Variants in KDM1B observed in about 807,000 individuals in gnomAD.
KDM1B encodes lysine-specific histone demethylase 2.
Under a neutral mutation model 107.4 loss-of-function variants are expected in KDM1B, and 63 were observed. The observed-to-expected ratio is 0.59, with a 90% confidence interval of 0.48 to 0.72. KDM1B has a LOEUF of 0.72. Among genes scored for constraint, KDM1B ranks in the 30% least tolerant of loss-of-function variants. The probability of loss-of-function intolerance (pLI) is 0.00; values close to 1 mark genes in which losing one functional copy is unlikely to be tolerated. For missense variants in KDM1B, 749 were observed against 1,020.8 expected (o/e 0.73, Z 3.63); for synonymous variants, 363 against 363.9 (o/e 1.00, Z 0.03).
rs533016543 is a variant in KDM1B at position 18,210,342 on chromosome 6, CTTTTTTTTTTTT to C, written c.1867-2127_1867-2116del. 7.1e-3 allele frequency among the ~76,000 whole-genome samples: 500 copies of C among 70,026 alleles called. 5 individuals carry two copies. Among genetic ancestry groups the C allele is most frequent in the African/African-American group, 0.018 (350 of 19,010 alleles). The allele number at this position is 70,026 out of a possible 152,430, so 45.9% of individuals were successfully genotyped here. On this transcript the variant is annotated intron_variant, in intron 17 of 21. Coordinates refer to ENST00000650836, the MANE Select transcript of KDM1B (RefSeq NM_001364614.2). ...TCTTTCTTTTTTTTCTCTTTCTTTT[CTTTTTTTTTTTT>C]TTTTTTTTTTTTTTTTTTGTTTTAC...
intron 2 of KDM1B, among the ~76,000 whole-genome samples, chr6:18,157,887 A>G (rs1417913653): frequency 7.3e-6 from 1 of 136,474 alleles, no homozygotes; most frequent in Non-Finnish European, 1.5e-5. Flanking sequence ...ATCTCGGCTC[A>G]CTGCAAGCTC....
chr6:18,158,323 CAAAAAAA>C (rs56971577), intron 2 of KDM1B, among the ~76,000 whole-genome samples: 4 of 99,472 alleles, frequency 4.0e-5, no homozygotes, highest in Admixed American at 2.2e-4. Context: ...GACTCCTTCA[CAAAAAAA>C]AAAAAAAAAA....
intron 7 of KDM1B, among the ~76,000 whole-genome samples, chr6:18,181,842 G>C (rs1786501426): frequency 6.6e-6 from 1 of 152,114 alleles, no homozygotes; most frequent in Non-Finnish European, 1.5e-5. Context: ...TCAACACCCT[G>C]CTATGAAATC....
Position 18,213,762 on chromosome 6 carries a change from T to A in KDM1B, c.2090T>A (p.Phe697Tyr), listed in dbSNP as rs772132536. ...AGCAAGCGAGGGCTTTTTGCCGTGT[T>A]CTATGACATGGATCCCCAGGTAAAA... ...SASKRGLFAV[F>Y]YDMDPQKKHS... is the part of the protein sequence containing the mutation. The change falls in exon 19 of 22, where the codon TTC becomes TAC. Residue 697 changes from phenylalanine to tyrosine, a missense_variant. Physicochemically the swap from Phe to Tyr is conservative, Grantham distance 22. Transcript: ENST00000650836. The surrounding 1 kb of genome is among the most constrained non-coding windows in gnomAD (Gnocchi z 5.9). The A allele has an allele frequency of 6.2e-6, 10 of 1,614,070 alleles. No homozygotes were observed. The highest frequency in any genetic ancestry group is 8.5e-6 in the Non-Finnish European group (10 of 1,180,016).
chr6:18,205,637 G>A lies in KDM1B; in HGVS notation c.1632G>A (p.Glu544=), dbSNP rs369638826. ...TTCAGTTCCATCTCAGTAACCTGGA[G>A]TACGCCTGTGGCAGCAACCTTCACC... is the stretch of plus-strand genomic sequence containing the variant. ...QVLQFHLSNL[E]YACGSNLHQV... The change falls in exon 15 of 22, where the codon GAG becomes GAA. Residue 544 remains glutamate, a synonymous_variant. Coordinates refer to ENST00000650836, the MANE Select transcript of KDM1B (RefSeq NM_001364614.2). This position sits in a 1 kb window ranked among gnomAD's most constrained non-coding sequence, Gnocchi z 5.7. The A allele has an allele frequency of 1.3e-6, 2 of 1,527,336 alleles. No homozygotes were observed. 94.6% of individuals were successfully genotyped at this position (1,527,336 alleles called of 1,614,324 possible).
intron 17 of KDM1B, among the ~76,000 whole-genome samples, chr6:18,210,562 T>C (rs1016470801): frequency 1.3e-5 from 2 of 151,894 alleles, no homozygotes; most frequent in African/African-American, 4.8e-5. Flanking sequence ...TGTTTCCCTA[T>C]GTTGTCCAGG....
At chr6:18,164,495 T>TTC (rs1349866504) in intron 5 of KDM1B, among the ~76,000 whole-genome samples, 3 of 152,168 alleles carry the variant, frequency 2.0e-5, no homozygotes, top group Non-Finnish European at 4.4e-5. Context: ...TTGTTGTGGA[T>TTC]TCTCTCAAAA....
At chr6:18,221,789 T>C (rs1789771669) in intron 21 of KDM1B, 120 bp from the exon 22 acceptor site, 3 of 776,238 alleles carry the variant, frequency 3.9e-6, no homozygotes, top group South Asian at 3.5e-5. Flanking sequence ...AGTGTGAATA[T>C]GAGCACACAG....
Position 18,221,905 on chromosome 6 carries a change from A to G in KDM1B, c.2386-4A>G. The G allele has an allele frequency of 2.5e-6, 4 of 1,594,984 alleles. No homozygotes were observed. Among genetic ancestry groups the G allele is most frequent in the Middle Eastern group, 1.7e-4 (1 of 5,954 alleles). On this transcript the variant is annotated splice_region_variant and splice_polypyrimidine_tract_variant and intron_variant, in intron 21 of 21. Coordinates refer to ENST00000650836, the MANE Select transcript of KDM1B (RefSeq NM_001364614.2). The stretch of plus-strand genomic sequence containing the variant: ...ATCTCAAATTATGTAATTATGTTTT[A>G]CAGGCAACAAACAGGCATTTCCCAC...
At chr6:18,195,748 A>AG (rs57820512) in intron 10 of KDM1B, among the ~76,000 whole-genome samples, 1 of 151,006 alleles carries the variant, frequency 6.6e-6, no homozygotes, top group Non-Finnish European at 1.5e-5. Context: ...AAAAAAAAAA[A>AG]GAGAAAGAAA....
chr6:18,194,178 A>G (rs1787490944), intron 10 of KDM1B, among the ~76,000 whole-genome samples: 1 of 151,576 alleles, frequency 6.6e-6, no homozygotes, highest in Non-Finnish European at 1.5e-5. Context: ...CGCCTGGCTA[A>G]ATTTCTTGTA....
chr6:18,157,873 T>G (rs1434804436), intron 2 of KDM1B, among the ~76,000 whole-genome samples: 1 of 140,936 alleles, frequency 7.1e-6, no homozygotes, highest in Non-Finnish European at 1.5e-5. Context: ...AGTGCAGTGG[T>G]GTGATCTCGG....
At position 18,172,527 on chromosome 6, in the gene KDM1B, G is replaced by A. The variant is rs545083765; in HGVS notation, c.534+1048G>A. 3.9e-5 allele frequency among the ~76,000 whole-genome samples: 6 copies of A among 152,182 alleles called. No homozygotes were observed. The South Asian group carries it at 1.2e-3, about 32-fold the overall frequency. On this transcript the variant is annotated intron_variant, in intron 7 of 21. Coordinates refer to ENST00000650836, the MANE Select transcript of KDM1B (RefSeq NM_001364614.2). This position sits in a 1 kb window ranked among gnomAD's most constrained non-coding sequence, Gnocchi z 5.2. ...TTCTGCTCAAAGGAAATGTTCACTGGAGCATTTTAGATTTTCAGATTAGGG... is the reference window on the plus strand; with the variant it reads ...TTCTGCTCAAAGGAAATGTTCACTGAAGCATTTTAGATTTTCAGATTAGGG...
chr6:18,186,903 T>G lies in KDM1B; in HGVS notation c.574-889T>G, dbSNP rs1336337739. On this transcript the variant is annotated intron_variant, in intron 8 of 21. Coordinates refer to ENST00000650836, the MANE Select transcript of KDM1B (RefSeq NM_001364614.2). The surrounding 1 kb of genome is among the most constrained non-coding windows in gnomAD (Gnocchi z 5.6). Reference sequence around the variant, plus strand: ...CATGACACATGGGGATTATAGGAACTACAATTCAAGATGAGATTTGAGTGG... The same window carrying G: ...CATGACACATGGGGATTATAGGAACGACAATTCAAGATGAGATTTGAGTGG... Among the ~76,000 whole-genome samples the G allele has an allele frequency of 6.6e-6, 1 of 151,934 alleles. No homozygotes were observed. The highest frequency in any genetic ancestry group is 1.5e-5 in the Non-Finnish European group (1 of 68,004).
In KDM1B at chr6:18,213,718, T is replaced by G. The variant is rs1428358981; in HGVS notation, c.2046T>G (p.Gly682=). The G allele has an allele frequency of 6.2e-7, 1 of 1,614,130 alleles. No individual in the cohort carries two copies. ...DSKVQGADFF[G]HVPPSASKRG... is the part of the protein sequence containing the mutation. The stretch of plus-strand genomic sequence containing the variant: ...AAGTACAAGGGGCTGACTTTTTTGG[T>G]CACGTTCCTCCCAGTGCCAGCAAGC... Residue 682 remains glycine, a synonymous_variant, in exon 19 of 22, where the codon GGT becomes GGG. Transcript: ENST00000650836. This position sits in a 1 kb window ranked among gnomAD's most constrained non-coding sequence, Gnocchi z 5.9.
rs981206635 is a variant in KDM1B at position 18,191,390 on chromosome 6, G to A, written c.969+9G>A. The A allele has an allele frequency of 6.5e-7, 1 of 1,549,650 alleles. No homozygotes were observed. Among genetic ancestry groups the A allele is most frequent in the Non-Finnish European group, 8.7e-7 (1 of 1,146,010 alleles). Reference sequence around the variant, plus strand: ...GGTATACTAACTGCAAAGTAAGTAAGGGCATGTTAGCCAATAGCACTGGAC... The same window carrying A: ...GGTATACTAACTGCAAAGTAAGTAAAGGCATGTTAGCCAATAGCACTGGAC... On this transcript the variant is annotated intron_variant, in intron 10 of 21. Coordinates refer to ENST00000650836, the MANE Select transcript of KDM1B (RefSeq NM_001364614.2). The surrounding 1 kb of genome is among the most constrained non-coding windows in gnomAD (Gnocchi z 5.1).
At chr6:18,173,090 CA>C (rs70974708) in intron 7 of KDM1B, among the ~76,000 whole-genome samples, 46,808 of 126,266 alleles carry the variant, frequency 0.37, 7,618 homozygotes, top group Non-Finnish European at 0.4. Flanking sequence ...AACTCCATCT[CA>C]AAAAAAAAAA....
chr6:18,200,708 A>G lies in KDM1B; in HGVS notation c.1359+132A>G. On this transcript the variant is annotated intron_variant, in intron 13 of 21. Transcript: ENST00000650836. This position sits in a 1 kb window ranked among gnomAD's most constrained non-coding sequence, Gnocchi z 4.3. ...CCCTCATCTCCTATGCAAAGCAGTA[A>G]GAATTACACTTCTGCCTTTCTGAGA... 1 of 644,078 alleles carries G rather than the reference A, an allele frequency of 1.6e-6. No individual in the cohort carries two copies. Among genetic ancestry groups the G allele is most frequent in the Non-Finnish European group, 2.4e-6 (1 of 415,026 alleles). 39.9% of individuals were successfully genotyped at this position (644,078 alleles called of 1,614,324 possible).
At chr6:18,179,385 T>C (rs1786276985) in intron 7 of KDM1B, among the ~76,000 whole-genome samples, 1 of 152,210 alleles carries the variant, frequency 6.6e-6, no homozygotes, top group Non-Finnish European at 1.5e-5. Flanking sequence ...GGGTTCTGCT[T>C]TCAGAGTTAT....
Sources: gnomAD v4.1 joint callset for allele counts (sites outside exome capture counted in the v4.1 genomes callset) on GRCh38, gnomAD v4.1.1 for gene constraint, Gnocchi (gnomAD v3.1) non-coding constraint, MANE v1.5 for transcripts, NCBI Gene and HGNC (gene_info 2026-07-23, HGNC 2026-07-21) for gene names.